Variants in PPP2R2A observed in about 807,000 individuals in gnomAD.
The protein encoded by PPP2R2A is serine/threonine-protein phosphatase 2A 55 kDa regulatory subunit B alpha isoform.
Under a neutral mutation model 53.2 loss-of-function variants are expected in PPP2R2A, and 9 were observed. The observed-to-expected ratio is 0.17, with a 90% CI of 0.10 to 0.30. The LOEUF (loss-of-function observed/expected upper bound fraction) is 0.30, where lower values mean the gene tolerates loss of function less well. Among genes scored for constraint, PPP2R2A ranks in the 10% least tolerant of loss-of-function variants. The pLI is 1.00. For missense variants in PPP2R2A, 235 were observed against 534.6 expected (o/e 0.44, Z 5.53); for synonymous variants, 169 against 174.2 (o/e 0.97, Z 0.23).
intron 2 of PPP2R2A, among the ~76,000 whole-genome samples, chr8:26,328,596 CTGAT>C (rs1312693090): frequency 1.3e-5 from 2 of 152,148 alleles, no homozygotes; most frequent in Non-Finnish European, 2.9e-5. Context: ...CCATAATTCC[CTGAT>C]TGTTTTATTT....
At chr8:26,298,301 A>G (rs1298493953) in intron 2 of PPP2R2A, among the ~76,000 whole-genome samples, 1 of 152,174 alleles carries the variant, frequency 6.6e-6, no homozygotes, top group Non-Finnish European at 1.5e-5. Flanking sequence ...CCCACTCCTT[A>G]ATCCCTAGTC....
At chr8:26,366,442 TAAAGA>T (rs767666223) in intron 9 of PPP2R2A, 36 bp downstream of exon 9, 4 of 1,453,242 alleles carry the variant, frequency 2.8e-6, no homozygotes, top group East Asian at 4.7e-5. Flanking sequence ...TGAATTTTAT[TAAAGA>T]AAAGAAACAA....
At chr8:26,346,768 G>A (rs1804240928) in intron 3 of PPP2R2A, among the ~76,000 whole-genome samples, 1 of 152,148 alleles carries the variant, frequency 6.6e-6, no homozygotes. Context: ...TTTACAAAGG[G>A]GAATTTTCTA....
intron 2 of PPP2R2A, among the ~76,000 whole-genome samples, chr8:26,327,489 C>G (rs1803151370): frequency 6.6e-6 from 1 of 152,176 alleles, no homozygotes; most frequent in Non-Finnish European, 1.5e-5. Flanking sequence ...ACAAACCAAA[C>G]TTGCTTTTCA....
intron 3 of PPP2R2A, among the ~76,000 whole-genome samples, chr8:26,349,067 A>G (rs978395137): frequency 6.6e-6 from 1 of 152,050 alleles, no homozygotes; most frequent in African/African-American, 2.4e-5. Flanking sequence ...CCATCTTATA[A>G]CTTAGGTGAC....
At chr8:26,364,015 A>G in intron 8 of PPP2R2A, 125 bp downstream of exon 8, 3 of 794,280 alleles carry the variant, frequency 3.8e-6, no homozygotes, top group Non-Finnish European at 5.5e-6. Flanking sequence ...CTTTTCCCTC[A>G]GAGATCTATG....
chr8:26,302,227 C>T (rs1212548963), intron 2 of PPP2R2A, among the ~76,000 whole-genome samples: 2 of 152,216 alleles, frequency 1.3e-5, no homozygotes, highest in Admixed American at 1.3e-4. Context: ...GAAACTGATA[C>T]TTCAGTGTAC....
intron 2 of PPP2R2A, among the ~76,000 whole-genome samples, chr8:26,304,520 G>A (rs774202393): frequency 4.6e-5 from 7 of 152,170 alleles, no homozygotes; most frequent in Non-Finnish European, 8.8e-5. Context: ...TTTCAAACCT[G>A]CCATTGCAGG....
chr8:26,363,643 G>T, intron 7 of PPP2R2A, 78 bp from the exon 8 acceptor site: 6 of 1,260,214 alleles, frequency 4.8e-6, no homozygotes, highest in Non-Finnish European at 6.3e-6. Context: ...GTTTGTGAAT[G>T]GTTGTTTAGG....
intron 2 of PPP2R2A, among the ~76,000 whole-genome samples, chr8:26,328,659 G>A (rs375195528): frequency 2.6e-5 from 4 of 152,036 alleles, no homozygotes; most frequent in South Asian, 2.1e-4. Flanking sequence ...TTAAAAACTC[G>A]GTGATACATC....
In PPP2R2A at chr8:26,338,340, A is replaced by G. The variant is rs1338862233; in HGVS notation, c.83-550A>G. Reference sequence around the variant, plus strand: ...TAGGGGAGCTGGAGGAGCCGTGCACATTGAAGGCACATAGCACGAAGCATT... The same window carrying G: ...TAGGGGAGCTGGAGGAGCCGTGCACGTTGAAGGCACATAGCACGAAGCATT... On this transcript the variant is annotated intron_variant, in intron 2 of 9. Coordinates refer to ENST00000380737, the MANE Select transcript of PPP2R2A (RefSeq NM_002717.4). This position sits in a 1 kb window ranked among gnomAD's most constrained non-coding sequence, Gnocchi z 4.5. Among the ~76,000 whole-genome samples the G allele has an allele frequency of 2.6e-5, 4 of 152,240 alleles. No individual in the cohort carries two copies. The highest frequency in any genetic ancestry group is 1.9e-4 in the East Asian group (1 of 5,174).
At chr8:26,334,339 G>A (rs1202589323) in intron 2 of PPP2R2A, among the ~76,000 whole-genome samples, 1 of 152,058 alleles carries the variant, frequency 6.6e-6, no homozygotes, top group Non-Finnish European at 1.5e-5. Flanking sequence ...GCACAAATTC[G>A]GTATGATAGC....
rs138189018 is a variant in PPP2R2A at position 26,292,936 on chromosome 8, C to T, written c.8-730C>T. On this transcript the variant is annotated intron_variant, in intron 1 of 9. Transcript: ENST00000380737. Reference sequence around the variant, plus strand: ...AAAGTTAACATGTCGGATTGACTTACGGTTTGCTATAAACAAGTTGCTTGT... The same window carrying T: ...AAAGTTAACATGTCGGATTGACTTATGGTTTGCTATAAACAAGTTGCTTGT... Among the ~76,000 whole-genome samples the T allele has an allele frequency of 1.2e-4, 18 of 152,290 alleles. No individual in the cohort carries two copies. The East Asian group carries it at 2.3e-3, about 20-fold the overall frequency.
chr8:26,306,001 G>A (rs1801998308), intron 2 of PPP2R2A, among the ~76,000 whole-genome samples: 1 of 152,036 alleles, frequency 6.6e-6, no homozygotes. Context: ...TAGCCTACAA[G>A]CTACCATACA....
chr8:26,293,998 A>T, intron 2 of PPP2R2A: 1 of 430,630 alleles, frequency 2.3e-6, no homozygotes, highest in Non-Finnish European at 4.2e-6. Context: ...AGATCCTCAC[A>T]TGAAAGCTCT....
chr8:26,331,292 G>A (rs1803364068), intron 2 of PPP2R2A, among the ~76,000 whole-genome samples: 1 of 152,074 alleles, frequency 6.6e-6, no homozygotes, highest in African/African-American at 2.4e-5. Context: ...AAAAACAGTT[G>A]TTTCATATAT....
intron 7 of PPP2R2A, chr8:26,363,434 C>G (rs910524342): frequency 8.2e-6 from 2 of 244,470 alleles, no homozygotes; most frequent in African/African-American, 2.2e-5. Flanking sequence ...AGGAATAATA[C>G]CAATAAACCT....
At position 26,362,862 on chromosome 8, in the gene PPP2R2A, A is replaced by G. The variant is rs1372237454; in HGVS notation, c.802+14A>G. On this transcript the variant is annotated intron_variant, in intron 7 of 9. Coordinates refer to ENST00000380737, the MANE Select transcript of PPP2R2A (RefSeq NM_002717.4). This position sits in a 1 kb window ranked among gnomAD's most constrained non-coding sequence, Gnocchi z 4.4. The stretch of plus-strand genomic sequence containing the variant: ...GACATTCTAAATGTAAGTTTATTGT[A>G]TCTTTCCTTAAAATGATTACATATT... 3 of 1,605,492 alleles carry G rather than the reference A, an allele frequency of 1.9e-6. No homozygotes were observed. The highest frequency in any genetic ancestry group is 2.2e-5 in the East Asian group (1 of 44,822).
At chr8:26,302,773 AT>A (rs1394262199) in intron 2 of PPP2R2A, among the ~76,000 whole-genome samples, 3 of 152,330 alleles carry the variant, frequency 2.0e-5, no homozygotes, top group Admixed American at 6.5e-5. Context: ...GCCAGATTAA[AT>A]TAAAGAGATT....
Sources: gnomAD v4.1 joint callset for allele counts (sites outside exome capture counted in the v4.1 genomes callset) on GRCh38, gnomAD v4.1.1 for gene constraint, Gnocchi (gnomAD v3.1) non-coding constraint, MANE v1.5 for transcripts, NCBI Gene and HGNC (gene_info 2026-07-23, HGNC 2026-07-21) for gene names.